FREM3: variants seen among roughly 807,000 people sequenced by gnomAD.
FREM3 encodes the protein FRAS1-related extracellular matrix protein 3.
In FREM3, 105 loss-of-function variants were observed where a neutral mutation model predicts 129.1. The observed-to-expected ratio is 0.81, with a 90% CI of 0.69 to 0.96. The LOEUF (loss-of-function observed/expected upper bound fraction) is 0.96. Among genes scored for constraint, FREM3 ranks in the 40% least tolerant of loss-of-function variants. The pLI is 0.00. For synonymous variants in FREM3, 1,014 were observed against 1,044.9 expected (o/e 0.97, Z 0.57); for missense variants, 2,593 against 2,666.3 (o/e 0.97, Z 0.61).
chr4:143,603,289 A>G (rs931599837), intron 6 of FREM3, among the ~76,000 whole-genome samples: 4 of 152,182 alleles, frequency 2.6e-5, no homozygotes, highest in African/African-American at 9.7e-5. Flanking sequence ...TAGAAATCTA[A>G]AAAGAGTGTT....
At chr4:143,669,549 T>C (rs2149855295) in intron 2 of FREM3, among the ~76,000 whole-genome samples, 1 of 152,150 alleles carries the variant, frequency 6.6e-6, no homozygotes, top group South Asian at 2.1e-4. Context: ...CAGCCTACTT[T>C]GGGATTATAG....
At position 143,698,893 on chromosome 4, in the gene FREM3, G is replaced by A. The variant is rs1308593387; in HGVS notation, c.1783C>T (p.Pro595Ser). Residue 595 changes from proline (P) to serine (S), a missense_variant, in exon 1 of 8, where the codon CCT becomes TCT. Transcript: ENST00000329798. ...NQPLKGNEEE[P>S]QWELAPGSSH... Reference sequence around the variant, plus strand: ...GAACCAGGGGCCAACTCCCACTGAGGCTCTTCCTCATTTCCTTTTAGGGGC... The same window carrying A: ...GAACCAGGGGCCAACTCCCACTGAGACTCTTCCTCATTTCCTTTTAGGGGC... 2.0e-6 allele frequency: 3 copies of A among 1,537,512 alleles called. No homozygotes were observed. Among genetic ancestry groups the A allele is most frequent in the Non-Finnish European group, 2.6e-6 (3 of 1,146,984 alleles).
Position 143,696,403 on chromosome 4 carries a change from C to G in FREM3, c.4273G>C (p.Val1425Leu). The G allele has an allele frequency of 1.3e-6, 2 of 1,537,462 alleles. No individual in the cohort carries two copies. The highest frequency in any genetic ancestry group is 1.7e-4 in the Middle Eastern group (1 of 5,990). ...CTTTTGCTGATTACCTCAGGGAAGA[C>G]GCTGTCTAAGTTGCCAATGGTGACA... is the stretch of plus-strand genomic sequence containing the variant. ...FYVTIGNLDS[V>L]FPEVISKRIT... The change falls in exon 1 of 8, where the codon GTC becomes CTC. Residue 1425 changes from valine to leucine, a missense_variant. By Grantham distance (32) the Val-to-Leu change is conservative. Coordinates refer to ENST00000329798, the MANE Select transcript of FREM3 (RefSeq NM_001168235.2).
chr4:143,592,907 G>T (rs978488421), intron 6 of FREM3, among the ~76,000 whole-genome samples: 2 of 152,126 alleles, frequency 1.3e-5, no homozygotes, highest in Admixed American at 6.5e-5. Flanking sequence ...TTTTCACATA[G>T]TCCCATATTT....
chr4:143,586,074 G>C (rs1206665588), intron 6 of FREM3, 81 bp from the exon 7 acceptor site: 1 of 1,364,934 alleles, frequency 7.3e-7, no homozygotes, highest in Non-Finnish European at 1.0e-6. Context: ...GTGAGCCTGG[G>C]CATTTGTCAT....
At chr4:143,684,233 A>T (rs1302653587) in intron 2 of FREM3, among the ~76,000 whole-genome samples, 1 of 152,174 alleles carries the variant, frequency 6.6e-6, no homozygotes, top group South Asian at 2.1e-4. Flanking sequence ...CACCAAAGCT[A>T]AGGACCCTCA....
At chr4:143,664,535 G>C (rs1739813627) in intron 2 of FREM3, among the ~76,000 whole-genome samples, 1 of 152,138 alleles carries the variant, frequency 6.6e-6, no homozygotes, top group Non-Finnish European at 1.5e-5. Context: ...GTGGGTCAGG[G>C]GTCAGGGACC....
intron 6 of FREM3, among the ~76,000 whole-genome samples, chr4:143,590,272 A>G (rs540454182): frequency 1.3e-4 from 20 of 152,216 alleles, no homozygotes; most frequent in Non-Finnish European, 2.1e-4. Context: ...TTCCAACACT[A>G]TGTTGAATAG....
At chr4:143,606,571 G>A (rs1404297372) in intron 6 of FREM3, among the ~76,000 whole-genome samples, 2 of 152,070 alleles carry the variant, frequency 1.3e-5, no homozygotes, top group African/African-American at 4.8e-5. Context: ...GGAAGATTTG[G>A]TTATTTCTTA....
At chr4:143,661,469 T>A (rs1238674334) in intron 2 of FREM3, among the ~76,000 whole-genome samples, 1 of 151,982 alleles carries the variant, frequency 6.6e-6, no homozygotes, top group Non-Finnish European at 1.5e-5. Flanking sequence ...AGCTTTTTGA[T>A]GTGCTGCTGG....
In FREM3 at chr4:143,696,892, C is replaced by T. The variant is rs1382328907; in HGVS notation, c.3784G>A (p.Glu1262Lys). 1 of 1,537,548 alleles carries T rather than the reference C, an allele frequency of 6.5e-7. No individual in the cohort carries two copies. The highest frequency in any genetic ancestry group is 8.7e-7 in the Non-Finnish European group (1 of 1,147,034). The change falls in exon 1 of 8, where the codon GAG becomes AAG. Residue 1262 changes from glutamate to lysine, a missense_variant. Physicochemically the swap from Glu to Lys is moderately conservative, Grantham distance 56. Around this residue, in one of 2 missense-constraint regions of FREM3, gnomAD observed 2,276 missense variants for 2,267.2 expected, o/e 1.00. Coordinates refer to ENST00000329798, the MANE Select transcript of FREM3 (RefSeq NM_001168235.2). ...TGCTCATACACAATGGTGGAGGCCT[C>T]CTGGATCTCCTTGAGGGTGAAGCTG... ...IHSFTLKEIQEASTIVYEHDD... is the reference protein window; with the variant it reads ...IHSFTLKEIQKASTIVYEHDD...
At position 143,624,103 on chromosome 4, in the gene FREM3, C is replaced by A; in HGVS notation, c.5653+5G>T. 3 of 1,478,926 alleles carry A rather than the reference C, an allele frequency of 2.0e-6. No individual in the cohort carries two copies. Among genetic ancestry groups the A allele is most frequent in the Non-Finnish European group, 2.7e-6 (3 of 1,093,722 alleles). The allele number at this position is 1,478,926 out of a possible 1,614,324, so 91.6% of individuals were successfully genotyped here. A position where few individuals can be genotyped will look rare whatever the true frequency, so the allele number is the denominator to read the frequency against. On this transcript the variant is annotated splice_donor_5th_base_variant and intron_variant, in intron 4 of 7. Coordinates refer to ENST00000329798, the MANE Select transcript of FREM3 (RefSeq NM_001168235.2). ...TAATAAAGCAAATCAATCAGTGTCACATACCATCTCCAGGGTCTACAATTT... is the reference window on the plus strand; with the variant it reads ...TAATAAAGCAAATCAATCAGTGTCAAATACCATCTCCAGGGTCTACAATTT...
chr4:143,663,004 T>G (rs1445020485), intron 2 of FREM3, among the ~76,000 whole-genome samples: 1 of 152,130 alleles, frequency 6.6e-6, no homozygotes, highest in Non-Finnish European at 1.5e-5. Context: ...GTTTCCTGAA[T>G]ACAGCACACT....
intron 2 of FREM3, among the ~76,000 whole-genome samples, chr4:143,648,871 C>T (rs761201307): frequency 6.6e-6 from 1 of 152,112 alleles, no homozygotes; most frequent in African/African-American, 2.4e-5. Flanking sequence ...CAAGCTGTCT[C>T]CCACCTCAGC....
At chr4:143,601,650 A>G (rs1738574537) in intron 6 of FREM3, among the ~76,000 whole-genome samples, 1 of 152,174 alleles carries the variant, frequency 6.6e-6, no homozygotes, top group Non-Finnish European at 1.5e-5. Context: ...ATAAATGTAA[A>G]GTTGCCATTC....
intron 6 of FREM3, among the ~76,000 whole-genome samples, chr4:143,591,885 G>T (rs1451856651): frequency 6.6e-6 from 1 of 152,170 alleles, no homozygotes; most frequent in Non-Finnish European, 1.5e-5. Flanking sequence ...AAGTCTCTTT[G>T]TAGGTCACTA....
intron 6 of FREM3, among the ~76,000 whole-genome samples, chr4:143,589,841 A>G (rs898729663): frequency 5.3e-5 from 8 of 152,120 alleles, no homozygotes; most frequent in African/African-American, 1.9e-4. Context: ...CAGTATGGCC[A>G]TTTTCACAAT....
At position 143,652,311 on chromosome 4, in the gene FREM3, C is replaced by T. The variant is rs1253419510; in HGVS notation, c.5276-24551G>A. Among the ~76,000 whole-genome samples, 4 of 94,796 alleles carry T rather than the reference C, an allele frequency of 4.2e-5. 1 individual carries two copies. Among genetic ancestry groups the T allele is most frequent in the Non-Finnish European group, 7.4e-5 (3 of 40,738 alleles). The allele number at this position is 94,796 out of a possible 152,430, so 62.2% of individuals were successfully genotyped here. On this transcript the variant is annotated intron_variant, in intron 2 of 7. Transcript: ENST00000329798. ...CCCAGTAGCTGGGACTACAGGCGCC[C>T]GCCACCGCGCCCGGCTAATTTTTTG...
chr4:143,697,473 A>G lies in FREM3; in HGVS notation c.3203T>C (p.Val1068Ala). ...VQVTVLPVDN[V>A]GPKVFVGESF... is the part of the protein sequence containing the mutation. ...CTCCCCGACGAAGACCTTGGGTCCC[A>G]CATTGTCCACAGGCAGCACAGTTAC... The change falls in exon 1 of 8, where the codon GTG (valine) becomes GCG (alanine). Residue 1068 changes from valine to alanine, a missense_variant. Val to Ala is a moderately conservative substitution (Grantham distance 64). Around this residue, in one of 2 missense-constraint regions of FREM3, gnomAD observed 2,276 missense variants for 2,267.2 expected, o/e 1.00. Transcript: ENST00000329798. 6.5e-7 allele frequency: 1 copy of G among 1,537,212 alleles called. No individual in the cohort carries two copies. The highest frequency in any genetic ancestry group is 2.0e-5 in the Admixed American group (1 of 50,994).
Sources: allele counts gnomAD v4.1 joint callset (sites outside exome capture counted in the v4.1 genomes callset), GRCh38; gene constraint gnomAD v4.1.1; regional missense constraint gnomAD v4.1.1; transcripts MANE v1.5; gene names NCBI Gene and HGNC (gene_info 2026-07-23, HGNC 2026-07-21).